RPS6KA2: variants seen among roughly 807,000 people sequenced by gnomAD.
RPS6KA2 encodes ribosomal protein S6 kinase A2.
In RPS6KA2, 42 loss-of-function variants were observed where a neutral mutation model predicts 91.8. The ratio of observed to expected loss-of-function variants is 0.46; its 90% CI spans 0.36 to 0.59. The LOEUF (loss-of-function observed/expected upper bound fraction) is 0.59. RPS6KA2 is among the 20% of genes least tolerant of loss of function. The pLI, the probability that RPS6KA2 is intolerant of heterozygous loss-of-function variation, is 0.00. For synonymous variants in RPS6KA2, 414 were observed against 393.6 expected (o/e 1.05, Z -0.61); for missense variants, 798 against 978.5 (o/e 0.82, Z 2.46).
intron 2 of RPS6KA2, chr6:166,757,574 T>A: frequency 2.2e-6 from 1 of 456,276 alleles, no homozygotes; most frequent in Non-Finnish European, 4.4e-6. Context: ...AGCCTGATCA[T>A]CATGATGCAC....
upstream of RPS6KA2, among the ~76,000 whole-genome samples, chr6:166,628,592 T>C (rs1051997603): frequency 6.6e-6 from 1 of 152,248 alleles, no homozygotes; most frequent in African/African-American, 2.4e-5. Flanking sequence ...TGAGGTCAGA[T>C]AGGCTCTCTG....
upstream of RPS6KA2, chr6:166,627,269 GCCACGCCTACA>G: frequency 1.0e-6 from 1 of 1,001,526 alleles, no homozygotes; most frequent in Non-Finnish European, 1.2e-6. Flanking sequence ...CCGGCCACGC[GCCACGCCTACA>G]CCACGCCCAC....
intron 12 of RPS6KA2, among the ~76,000 whole-genome samples, chr6:166,458,046 T>C (rs1003031463): frequency 6.6e-6 from 1 of 152,224 alleles, no homozygotes; most frequent in African/African-American, 2.4e-5. Flanking sequence ...ATAACCAGCA[T>C]ACTGTTAGTG....
chr6:166,613,882 C>CACAGTCGGGCTTTCCATGGCCTTCAGG, intron 1 of RPS6KA2, among the ~76,000 whole-genome samples: 1 of 151,500 alleles, frequency 6.6e-6, no homozygotes, highest in Admixed American at 6.6e-5. Flanking sequence ...GCCTTCAGGA[C>CACAGTCGGGCTTTCCATGGCCTTCAGG]ACAGTCGGGC....
chr6:166,507,437 C>A (rs1329036859), intron 5 of RPS6KA2, among the ~76,000 whole-genome samples: 3 of 150,142 alleles, frequency 2.0e-5, no homozygotes, highest in African/African-American at 7.4e-5. Flanking sequence ...ACATACAGCA[C>A]ACACACACAA....
chr6:166,610,961 T>C (rs900251594), intron 1 of RPS6KA2, among the ~76,000 whole-genome samples: 1 of 152,202 alleles, frequency 6.6e-6, no homozygotes, highest in Non-Finnish European at 1.5e-5. Flanking sequence ...TGGGAGAGTA[T>C]TATGAGAATG....
chr6:166,828,051 A>T (rs1313523278), intron 2 of RPS6KA2, among the ~76,000 whole-genome samples: 1 of 152,258 alleles, frequency 6.6e-6, no homozygotes, highest in Non-Finnish European at 1.5e-5. Context: ...AATTTGCTAC[A>T]TCAAACCACA....
intron 2 of RPS6KA2, among the ~76,000 whole-genome samples, chr6:166,756,145 C>T (rs1328747083): frequency 6.6e-6 from 1 of 152,046 alleles, no homozygotes. Flanking sequence ...AAAAAATTAG[C>T]CAGGCGTGGT....
chr6:166,517,667 G>A (rs1436084182), intron 3 of RPS6KA2, among the ~76,000 whole-genome samples: 1 of 150,850 alleles, frequency 6.6e-6, no homozygotes, highest in Non-Finnish European at 1.5e-5. Flanking sequence ...AGTAGAGACG[G>A]GGTTTCACCT....
In RPS6KA2 at chr6:166,635,727, C is replaced by G. The variant is rs985080753; in HGVS notation, c.124-96943G>C. Among the ~76,000 whole-genome samples the G allele has an allele frequency of 1.1e-4, 16 of 152,136 alleles. No individual in the cohort carries two copies. Among genetic ancestry groups the G allele is most frequent in the African/African-American group, 3.9e-4 (16 of 41,424 alleles). On this transcript the variant is annotated intron_variant, in intron 2 of 21. Coordinates refer to the RPS6KA2 transcript ENST00000503859. This position sits in a 1 kb window ranked among gnomAD's most constrained non-coding sequence, Gnocchi z 4.8. ...TGCCATGAGCATCACCTGGGTGTGT[C>G]TGCAGAAGGACGTTCAACTCTGAGC...
At chr6:166,759,319 G>A (rs542192597) in intron 2 of RPS6KA2, among the ~76,000 whole-genome samples, 2 of 152,234 alleles carry the variant, frequency 1.3e-5, no homozygotes, top group East Asian at 1.9e-4. Context: ...TTCTGGAGCC[G>A]TTGGCAAATA....
intron 1 of RPS6KA2, among the ~76,000 whole-genome samples, chr6:166,553,296 AT>A (rs559104361): frequency 6.6e-6 from 1 of 151,680 alleles, no homozygotes; most frequent in Non-Finnish European, 1.5e-5. Context: ...TTTTCTTTGT[AT>A]TTTTTTGTAG....
chr6:166,799,451 T>C (rs547334859), intron 2 of RPS6KA2, among the ~76,000 whole-genome samples: 16 of 152,296 alleles, frequency 1.1e-4, no homozygotes, highest in South Asian at 4.1e-4. Flanking sequence ...GTAAAGGTGA[T>C]GAATAAAGAC....
chr6:166,417,620 TACACACACACACACACAC>T (rs10568123), intron 19 of RPS6KA2, among the ~76,000 whole-genome samples: 1 of 148,492 alleles, frequency 6.7e-6, no homozygotes, highest in African/African-American at 2.5e-5. Flanking sequence ...TCTCTCTCTA[TACACACACACACACACAC>T]ACACACACAC....
chr6:166,750,640 G>A (rs950615396), intron 2 of RPS6KA2, among the ~76,000 whole-genome samples: 3 of 152,268 alleles, frequency 2.0e-5, no homozygotes, highest in South Asian at 2.1e-4. Flanking sequence ...ACCCGAGCCC[G>A]AGCTCCTTGA....
intron 2 of RPS6KA2, among the ~76,000 whole-genome samples, chr6:166,836,958 G>C (rs141678687): frequency 1.3e-5 from 2 of 152,090 alleles, no homozygotes. Flanking sequence ...AGTCCCGCTC[G>C]GGCACCTGCA....
Position 166,627,206 on chromosome 6 carries a change from G to T in RPS6KA2, c.-187C>A, listed in dbSNP as rs559432855. 5 of 1,037,716 alleles carry T rather than the reference G, an allele frequency of 4.8e-6. No individual in the cohort carries two copies. The East Asian group carries it at 3.4e-4, about 71-fold the overall frequency. 64.3% of individuals were successfully genotyped at this position (1,037,716 alleles called of 1,614,324 possible). ...AGGCCGCGCCGGCCACCGCGGCCGGGGCCACAATCGCTCCCTCCGCCTCCT... is the reference window on the plus strand; with the variant it reads ...AGGCCGCGCCGGCCACCGCGGCCGGTGCCACAATCGCTCCCTCCGCCTCCT... On this transcript the variant is annotated 5_prime_UTR_variant, in exon 1 of 21. Transcript: ENST00000265678.
intron 2 of RPS6KA2, among the ~76,000 whole-genome samples, chr6:166,841,485 T>G (rs904635915): frequency 6.6e-6 from 1 of 152,362 alleles, no homozygotes; most frequent in South Asian, 2.1e-4. Context: ...AGAAGAATAC[T>G]GTATGTTTTT....
intron 2 of RPS6KA2, among the ~76,000 whole-genome samples, chr6:166,847,167 C>G (rs902855944): frequency 2.0e-5 from 3 of 150,684 alleles, no homozygotes; most frequent in Admixed American, 6.6e-5. Context: ...TTTACAAGAG[C>G]TGAAAAAAAA....
Sources: allele counts gnomAD v4.1 joint callset (sites outside exome capture counted in the v4.1 genomes callset), GRCh38; gene constraint gnomAD v4.1.1; non-coding constraint Gnocchi (gnomAD v3.1); transcripts MANE v1.5; gene names NCBI Gene and HGNC (gene_info 2026-07-23, HGNC 2026-07-21).